Variants in DOP1B observed in about 807,000 individuals in gnomAD.
DOP1B encodes DOP1 leucine zipper like protein B.
In DOP1B, 174 loss-of-function variants were observed where a neutral mutation model predicts 233.5. That is an observed-to-expected ratio of 0.75 (90% CI 0.66 to 0.85). DOP1B has a LOEUF of 0.85. Among genes scored for constraint, DOP1B ranks in the 40% least tolerant of loss-of-function variants. DOP1B has a pLI of 0.00. For synonymous variants in DOP1B, 1,190 were observed against 1,185.6 expected (o/e 1.00, Z -0.08); for missense variants, 2,652 against 2,846.6 (o/e 0.93, Z 1.56).
chr21:36,251,085 A>C, intron 21 of DOP1B, 77 bp from the exon 22 acceptor site: 1 of 1,533,450 alleles, frequency 6.5e-7, no homozygotes. Context: ...CGGTATGGAC[A>C]GCAGTGGTGG....
chr21:36,278,287 C>A lies in DOP1B; in HGVS notation c.5901C>A (p.Ala1967=), dbSNP rs761991909. The stretch of plus-strand genomic sequence containing the variant: ...GTGGCTATGCCTACACAAAGCGAGC[C>A]TGGAGGAAGGAGGTCCTGGAGCTGT... ...SLSGYAYTKR[A]WRKEVLELFL... The change falls in exon 30 of 37, where the codon GCC becomes GCA. Residue 1967 remains alanine (A), a synonymous_variant. Coordinates refer to ENST00000691173, the MANE Select transcript of DOP1B (RefSeq NM_001320714.2). 1.2e-6 allele frequency: 2 copies of A among 1,614,108 alleles called. No homozygotes were observed. Among genetic ancestry groups the A allele is most frequent in the East Asian group, 4.5e-5 (2 of 44,874 alleles).
At chr21:36,260,030 G>T (rs1055566529) in intron 23 of DOP1B, among the ~76,000 whole-genome samples, 1 of 151,768 alleles carries the variant, frequency 6.6e-6, no homozygotes, top group Non-Finnish European at 1.5e-5. Flanking sequence ...TTTTTTGGCC[G>T]GGTGCGGTGG....
At chr21:36,223,971 T>C (rs2066654356) in intron 11 of DOP1B, among the ~76,000 whole-genome samples, 1 of 152,072 alleles carries the variant, frequency 6.6e-6, no homozygotes, top group Non-Finnish European at 1.5e-5. Flanking sequence ...TTCTTGTTCA[T>C]CTCCACTGTA....
intron 21 of DOP1B, among the ~76,000 whole-genome samples, 160 bp from the exon 22 acceptor site, chr21:36,251,002 A>G (rs574484745): frequency 6.6e-6 from 1 of 152,214 alleles, no homozygotes; most frequent in Non-Finnish European, 1.5e-5. Flanking sequence ...GATTCCTCCC[A>G]TTGCTGGGAT....
intron 13 of DOP1B, among the ~76,000 whole-genome samples, chr21:36,229,244 G>C (rs1388725116): frequency 6.6e-6 from 1 of 152,166 alleles, no homozygotes; most frequent in African/African-American, 2.4e-5. Flanking sequence ...ACAGACACTT[G>C]TTTTCTCATG....
At position 36,246,820 on chromosome 21, in the gene DOP1B, C is replaced by A; in HGVS notation, c.4697+143C>A. ...TGTTTAGCATTATCAAGAGGGGTAACAAGCAACTAAATGTTCTGATCCATT... is the reference window on the plus strand; with the variant it reads ...TGTTTAGCATTATCAAGAGGGGTAAAAAGCAACTAAATGTTCTGATCCATT... On this transcript the variant is annotated intron_variant, in intron 19 of 36. Transcript: ENST00000691173. This position sits in a 1 kb window ranked among gnomAD's most constrained non-coding sequence, Gnocchi z 5.1. The A allele has an allele frequency of 1.1e-6, 1 of 898,340 alleles. No homozygotes were observed. Among genetic ancestry groups the A allele is most frequent in the Non-Finnish European group, 1.7e-6 (1 of 604,590 alleles). 55.6% of individuals were successfully genotyped at this position (898,340 alleles called of 1,614,324 possible). A position where few individuals can be genotyped will look rare whatever the true frequency, so the allele number is the denominator to read the frequency against.
intron 2 of DOP1B, among the ~76,000 whole-genome samples, chr21:36,188,390 C>T (rs1035778822): frequency 2.6e-5 from 4 of 152,208 alleles, no homozygotes; most frequent in Non-Finnish European, 4.4e-5. Flanking sequence ...CACCGCCACT[C>T]CCTCAAGCTG....
intron 2 of DOP1B, among the ~76,000 whole-genome samples, chr21:36,190,272 C>G (rs2066217010): frequency 6.7e-6 from 1 of 149,396 alleles, no homozygotes; most frequent in Non-Finnish European, 1.5e-5. Flanking sequence ...TTGCAGTGAG[C>G]CGAGATTGCA....
rs546054535 is a variant in DOP1B at position 36,222,838 on chromosome 21, C to T, written c.1251-393C>T. Among the ~76,000 whole-genome samples, 283 of 152,052 alleles carry T rather than the reference C, an allele frequency of 1.9e-3. 2 individuals are homozygous for T. The highest frequency in any genetic ancestry group is 6.4e-3 in the African/African-American group (265 of 41,492). On this transcript the variant is annotated intron_variant, in intron 10 of 36. Transcript: ENST00000691173. ...GCAACCTCCGCCTCCCAGGTTCAGG[C>T]GATTCTCCCACTTCAGCCTCCTGAG...
chr21:36,167,774 G>A (rs2065927250), intron 2 of DOP1B, among the ~76,000 whole-genome samples: 1 of 151,452 alleles, frequency 6.6e-6, no homozygotes, highest in Admixed American at 6.6e-5. Context: ...CATGGAAATG[G>A]AATCATACCA....
rs767366201 is a variant in DOP1B at position 36,211,602 on chromosome 21, G to A, written c.731G>A (p.Arg244Lys). Residue 244 changes from arginine to lysine, a missense_variant, in exon 6 of 37, where the codon AGA (arginine) becomes AAA (lysine). Physicochemically the swap from Arg to Lys is conservative, Grantham distance 26. Transcript: ENST00000691173. ...SLLDSNVLVQ[R>K]NNLEIVLFFF... ...TTGGACTCAAATGTTCTTGTGCAAA[G>A]AAATAATCTGGAAATCGTTCTGTTT... The A allele has an allele frequency of 6.2e-7, 1 of 1,614,204 alleles. No individual in the cohort carries two copies. The highest frequency in any genetic ancestry group is 1.7e-5 in the Admixed American group (1 of 60,016).
At position 36,278,274 on chromosome 21, in the gene DOP1B, A is replaced by G; in HGVS notation, c.5888A>G (p.Tyr1963Cys). ...QLLSSLSGYA[Y>C]TKRAWRKEVL... Reference sequence around the variant, plus strand: ...CTGAGCTCCCTGAGTGGCTATGCCTACACAAAGCGAGCCTGGAGGAAGGAG... The same window carrying G: ...CTGAGCTCCCTGAGTGGCTATGCCTGCACAAAGCGAGCCTGGAGGAAGGAG... Residue 1963 changes from tyrosine (Y) to cysteine (C), a missense_variant, in exon 30 of 37, where the codon TAC becomes TGC. By Grantham distance (194) the Tyr-to-Cys change is radical. This residue lies in a region of DOP1B where 2,617 missense variants were observed against 2,794.3 expected (regional missense o/e 0.94). Coordinates refer to ENST00000691173, the MANE Select transcript of DOP1B (RefSeq NM_001320714.2). 1 of 1,614,108 alleles carries G rather than the reference A, an allele frequency of 6.2e-7. No homozygotes were observed. The highest frequency in any genetic ancestry group is 8.5e-7 in the Non-Finnish European group (1 of 1,180,020).
chr21:36,271,412 T>G (rs1278410633), intron 27 of DOP1B, among the ~76,000 whole-genome samples: 1 of 151,976 alleles, frequency 6.6e-6, no homozygotes, highest in Non-Finnish European at 1.5e-5. Flanking sequence ...TAGCTGGGAT[T>G]ACAGACATCT....
chr21:36,214,735 T>G (rs980676589), intron 9 of DOP1B, among the ~76,000 whole-genome samples, 179 bp downstream of exon 9: 3 of 152,128 alleles, frequency 2.0e-5, no homozygotes, highest in Admixed American at 2.0e-4. Flanking sequence ...CACTTACAAG[T>G]TTTGCATGGC....
intron 12 of DOP1B, among the ~76,000 whole-genome samples, chr21:36,227,484 T>C (rs529334173): frequency 1.3e-4 from 19 of 151,886 alleles, no homozygotes; most frequent in African/African-American, 3.1e-4. Flanking sequence ...GAGGCTGAGC[T>C]TGCAGTGAGC....
At chr21:36,236,509 C>T (rs907951040) in intron 15 of DOP1B, among the ~76,000 whole-genome samples, 2 of 152,196 alleles carry the variant, frequency 1.3e-5, no homozygotes, top group African/African-American at 4.8e-5. Context: ...GTGATCTTGA[C>T]AACCACTGTA....
At chr21:36,282,635 T>C (rs2067430362) in intron 32 of DOP1B, among the ~76,000 whole-genome samples, 2 of 152,088 alleles carry the variant, frequency 1.3e-5, no homozygotes, top group Non-Finnish European at 2.9e-5. Context: ...AATTTTTCCT[T>C]AACAATTTTT....
chr21:36,292,335 C>T, intron 36 of DOP1B, 102 bp downstream of exon 36: 2 of 866,022 alleles, frequency 2.3e-6, no homozygotes, highest in Non-Finnish European at 3.4e-6. Flanking sequence ...TCGCTTACTG[C>T]AGCCTCCACC....
At position 36,251,251 on chromosome 21, in the gene DOP1B, C is replaced by T; in HGVS notation, c.5088C>T (p.Ser1696=). 1.9e-6 allele frequency: 3 copies of T among 1,613,714 alleles called. No homozygotes were observed. Among genetic ancestry groups the T allele is most frequent in the Non-Finnish European group, 2.5e-6 (3 of 1,179,918 alleles). The part of the protein sequence containing the change: ...QLTAAVAAVW[S]RKKAQRHSKM... Reference sequence around the variant, plus strand: ...CAGCGGCTGTTGCGGCAGTGTGGAGCAGAAAGAAAGCCCAGCGTCACAGTA... The same window carrying T: ...CAGCGGCTGTTGCGGCAGTGTGGAGTAGAAAGAAAGCCCAGCGTCACAGTA... Residue 1696 remains serine (S), a synonymous_variant, in exon 22 of 37, where the codon AGC becomes AGT. Coordinates refer to ENST00000691173, the MANE Select transcript of DOP1B (RefSeq NM_001320714.2).
Sources: gnomAD v4.1 joint callset for allele counts (sites outside exome capture counted in the v4.1 genomes callset) on GRCh38, gnomAD v4.1.1 for gene constraint, gnomAD v4.1.1 regional missense constraint, Gnocchi (gnomAD v3.1) non-coding constraint, MANE v1.5 for transcripts, NCBI Gene and HGNC (gene_info 2026-07-23, HGNC 2026-07-21) for gene names.